CACNA1A: variants seen among roughly 807,000 people sequenced by gnomAD.
The protein encoded by CACNA1A is calcium voltage-gated channel subunit alpha1 A, also known as voltage-dependent P/Q-type calcium channel subunit alpha-1A.
CACNA1A carries 57 observed loss-of-function variants against 262.4 expected under a neutral mutation model. The ratio of observed to expected loss-of-function variants is 0.22; its 90% CI spans 0.18 to 0.27. The LOEUF (loss-of-function observed/expected upper bound fraction) is 0.27, where lower values mean the gene tolerates loss of function less well. Ranked by LOEUF, CACNA1A falls within the 10% of genes least tolerant of loss-of-function variation. The probability of loss-of-function intolerance (pLI) is 1.00; values close to 1 mark genes in which losing one functional copy is unlikely to be tolerated. For missense variants in CACNA1A, 2,526 were observed against 3,562.8 expected, an observed-to-expected ratio of 0.71 and a Z score of 7.41; for synonymous variants, 1,431 against 1,419.3, an observed-to-expected ratio of 1.01 and a Z score of -0.18.
chr19:13,255,085 G>C lies in CACNA1A; in HGVS notation c.4755+10C>G, dbSNP rs775017328. On this transcript the variant is annotated intron_variant, in intron 29 of 46. Transcript: ENST00000360228. ...TTAAGTAGTGCTGGGGGCTGGTGTG[G>C]GGCACTTACCTTCATCATAAGCACG... 12 of 1,613,628 alleles carry C rather than the reference G, an allele frequency of 7.4e-6. No homozygotes were observed. In the South Asian group the frequency reaches 1.3e-4, roughly 18 times the overall value.
chr19:13,467,030 C>A (rs1258413543), intron 1 of CACNA1A, among the ~76,000 whole-genome samples: 1 of 152,062 alleles, frequency 6.6e-6, no homozygotes, highest in Admixed American at 6.6e-5. Flanking sequence ...GCCACTGCAT[C>A]CAGCTACAGG....
rs1487101039 is a variant in CACNA1A at position 13,506,199 on chromosome 19, G to A, written c.26C>T (p.Pro9Leu). MARFGDEMPARYGGGGSGA... is the reference protein window; with the variant it reads MARFGDEMLARYGGGGSGA... The stretch of plus-strand genomic sequence containing the variant: ...GGAGCCTCCTCCCCCGTAGCGGGCC[G>A]GCATCTCGTCTCCGAAGCGGGCCAT... The change falls in exon 1 of 47, where the codon CCG (proline) becomes CTG (leucine). Residue 9 changes from proline (P) to leucine (L), a missense_variant. Pro to Leu is a moderately conservative substitution (Grantham distance 98). Coordinates refer to ENST00000360228, the MANE Select transcript of CACNA1A (RefSeq NM_001127222.2). 2.0e-6 allele frequency: 3 copies of A among 1,495,550 alleles called. No individual in the cohort carries two copies. The highest frequency in any genetic ancestry group is 2.7e-6 in the Non-Finnish European group (3 of 1,128,272). 92.6% of individuals were successfully genotyped at this position (1,495,550 alleles called of 1,614,324 possible).
rs779827819 is a variant in CACNA1A, at chr19:13,335,853, G to C, written c.1035C>G (p.Ile345Met). 7 of 1,611,030 alleles carry C rather than the reference G, an allele frequency of 4.3e-6. No homozygotes were observed. The highest frequency in any genetic ancestry group is 3.4e-5 in the Admixed American group (2 of 59,586). Reference protein sequence around the residue: ...WNWLYFIPLIIIGSFFMLNLV... With the variant: ...WNWLYFIPLIMIGSFFMLNLV... The stretch of plus-strand genomic sequence containing the variant: ...GGTTCAGCATAAAAAAGGAGCCGAT[G>C]ATGATGAGGGGGATGAAGTACAACC... Residue 345 changes from isoleucine to methionine, a missense_variant, in exon 7 of 47, where the codon ATC becomes ATG. This residue lies in a region of CACNA1A where 52 missense variants were observed against 124.0 expected (regional missense o/e 0.42). Coordinates refer to ENST00000360228, the MANE Select transcript of CACNA1A (RefSeq NM_001127222.2).
In CACNA1A at chr19:13,331,451, G is replaced by A. The variant is rs144114515; in HGVS notation, c.1256-1118C>T. ...GGGGTTTCGCCATGATGGCCAGGCCGGTCTTGAACTCCTGGCCTCAAGTGA... is the reference window on the plus strand; with the variant it reads ...GGGGTTTCGCCATGATGGCCAGGCCAGTCTTGAACTCCTGGCCTCAAGTGA... On this transcript the variant is annotated intron_variant, in intron 9 of 46. Coordinates refer to ENST00000360228, the MANE Select transcript of CACNA1A (RefSeq NM_001127222.2). 8.3e-3 allele frequency among the ~76,000 whole-genome samples: 1,266 copies of A among 152,012 alleles called. 22 individuals carry two copies. Among genetic ancestry groups the A allele is most frequent in the African/African-American group, 0.029 (1,193 of 41,458 alleles).
At chr19:13,441,375 C>G (rs1416813918) in intron 3 of CACNA1A, among the ~76,000 whole-genome samples, 1 of 152,066 alleles carries the variant, frequency 6.6e-6, no homozygotes, top group African/African-American at 2.4e-5. Flanking sequence ...AGACAGAGTC[C>G]TATTCTGTTG....
chr19:13,334,561 T>TGTGTGTGTGTGTGTGTGTGTGTGTGTG (rs2058525950), intron 7 of CACNA1A, 68 bp from the exon 8 acceptor site: 2 of 277,644 alleles, frequency 7.2e-6, no homozygotes, highest in African/African-American at 6.7e-5. Flanking sequence ...GTGTGTGTGT[T>TGTGTGTGTGTGTGTGTGTGTGTGTGTG]TGTGTGTGTG....
intron 37 of CACNA1A, 89 bp from the exon 38 acceptor site, chr19:13,224,861 C>T: frequency 1.2e-6 from 1 of 851,988 alleles, no homozygotes. Context: ...CAGGGAGTCC[C>T]AGGAAGAACT....
At chr19:13,385,073 A>G (rs960363667) in intron 3 of CACNA1A, among the ~76,000 whole-genome samples, 1 of 152,186 alleles carries the variant, frequency 6.6e-6, no homozygotes, top group African/African-American at 2.4e-5. Flanking sequence ...ATTTAAATTA[A>G]ATGAAAAATT....
intron 1 of CACNA1A, among the ~76,000 whole-genome samples, chr19:13,488,998 C>CTTTTTTT (rs1980403401): frequency 8.8e-5 from 9 of 102,698 alleles, no homozygotes; most frequent in African/African-American, 4.4e-4. Context: ...AATTTCTTTT[C>CTTTTTTT]TTTTCTTTTT....
chr19:13,440,925 C>T (rs555882362), intron 3 of CACNA1A, among the ~76,000 whole-genome samples: 6 of 152,294 alleles, frequency 3.9e-5, no homozygotes, highest in African/African-American at 1.4e-4. Flanking sequence ...CCCACCTCAG[C>T]CTCCTGAGTA....
In CACNA1A at chr19:13,238,005, T is replaced by C. The variant is rs563186421; in HGVS notation, c.4951-2275A>G. Reference sequence around the variant, plus strand: ...CAACCATGCAAAAAAGCCAGGGATCTGGCAGGGAGATGCGTGCAGAAAACA... The same window carrying C: ...CAACCATGCAAAAAAGCCAGGGATCCGGCAGGGAGATGCGTGCAGAAAACA... On this transcript the variant is annotated intron_variant, in intron 31 of 46. Transcript: ENST00000360228. 6.6e-5 allele frequency among the ~76,000 whole-genome samples: 10 copies of C among 152,280 alleles called. No homozygotes were observed. In the East Asian group the frequency reaches 1.9e-3, roughly 29 times the overall value.
At chr19:13,428,758 T>C (rs926413974) in intron 3 of CACNA1A, among the ~76,000 whole-genome samples, 4 of 152,132 alleles carry the variant, frequency 2.6e-5, no homozygotes, top group African/African-American at 9.7e-5. Flanking sequence ...TCCTTCAACC[T>C]GCGATCCGCT....
At chr19:13,272,616 A>G (rs2144818037) in intron 24 of CACNA1A, 1 of 152,468 alleles carries the variant, frequency 6.6e-6, no homozygotes, top group African/African-American at 2.4e-5. Flanking sequence ...AGAGAGAGAG[A>G]GAAAGAGGAA....
chr19:13,415,005 T>A (rs572958781), intron 3 of CACNA1A, among the ~76,000 whole-genome samples: 1 of 152,158 alleles, frequency 6.6e-6, no homozygotes, highest in Admixed American at 6.6e-5. Context: ...AGAAGAGAAG[T>A]TCTGAGATGC....
chr19:13,300,800 T>C, intron 17 of CACNA1A, 144 bp from the exon 18 acceptor site: 1 of 701,022 alleles, frequency 1.4e-6, no homozygotes, highest in Non-Finnish European at 2.6e-6. Flanking sequence ...GGGTACCTGC[T>C]ATTGGTTAAG....
chr19:13,212,548 A>C lies in CACNA1A; in HGVS notation c.6051-26T>G. ...CTGCATGGGGGACAGAGGCCGGGGTAGCAGTGGGCGCTTGGGCAGCTTCCA... is the reference window on the plus strand; with the variant it reads ...CTGCATGGGGGACAGAGGCCGGGGTCGCAGTGGGCGCTTGGGCAGCTTCCA... On this transcript the variant is annotated intron_variant, in intron 41 of 46. Transcript: ENST00000360228. The surrounding 1 kb of genome is among the most constrained non-coding windows in gnomAD (Gnocchi z 5.6). The C allele has an allele frequency of 6.5e-7, 1 of 1,543,674 alleles. No homozygotes were observed. Among genetic ancestry groups the C allele is most frequent in the Non-Finnish European group, 8.8e-7 (1 of 1,140,446 alleles).
At chr19:13,336,940 T>C (rs2058588093) in intron 6 of CACNA1A, among the ~76,000 whole-genome samples, 5 of 152,226 alleles carry the variant, frequency 3.3e-5, no homozygotes, top group Admixed American at 6.5e-5. Context: ...AGCCTTTGAA[T>C]AGTTGATCAC....
chr19:13,267,902 TC>T (rs2056903486), intron 24 of CACNA1A, among the ~76,000 whole-genome samples: 1 of 151,870 alleles, frequency 6.6e-6, no homozygotes, highest in African/African-American at 2.4e-5. Flanking sequence ...CACCTTAGCC[TC>T]CCAAGTAGCT....
At chr19:13,456,667 C>G (rs2061015387) in intron 1 of CACNA1A, among the ~76,000 whole-genome samples, 1 of 152,094 alleles carries the variant, frequency 6.6e-6, no homozygotes, top group South Asian at 2.1e-4. Flanking sequence ...GAGCGAGACT[C>G]TGTCTCAAAA....
Sources: gnomAD v4.1 joint callset for allele counts (sites outside exome capture counted in the v4.1 genomes callset) on GRCh38, gnomAD v4.1.1 for gene constraint, gnomAD v4.1.1 regional missense constraint, Gnocchi (gnomAD v3.1) non-coding constraint, MANE v1.5 for transcripts, NCBI Gene and HGNC (gene_info 2026-07-23, HGNC 2026-07-21) for gene names.